The following DNM3 variants were observed in gnomAD, a reference collection of about 807,000 sequenced individuals.
DNM3 encodes the protein dynamin-3.
A neutral mutation model predicts 101.6 loss-of-function variants in DNM3; 47 were observed. The ratio of observed to expected loss-of-function variants is 0.46; its 90% confidence interval spans 0.37 to 0.59. The LOEUF (loss-of-function observed/expected upper bound fraction) is 0.59, where lower values mean the gene tolerates loss of function less well. Ranked by LOEUF, DNM3 falls within the 20% of genes least tolerant of loss-of-function variation. DNM3 has a pLI of 0.00. For missense variants in DNM3, 849 were observed against 1,085.7 expected (o/e 0.78, Z 3.06); for synonymous variants, 385 against 387.9 (o/e 0.99, Z 0.09).
intron 14 of DNM3, among the ~76,000 whole-genome samples, chr1:172,211,108 A>G (rs913264162): frequency 6.6e-6 from 1 of 152,162 alleles, no homozygotes; most frequent in African/African-American, 2.4e-5. Context: ...TGGTGATTTC[A>G]GTATCTCAGG....
intron 1 of DNM3, among the ~76,000 whole-genome samples, chr1:171,920,603 A>G (rs2040080059): frequency 6.6e-6 from 1 of 152,208 alleles, no homozygotes; most frequent in Non-Finnish European, 1.5e-5. Context: ...GAATTCTGTG[A>G]TGATTCCTCT....
intron 15 of DNM3, among the ~76,000 whole-genome samples, chr1:172,290,976 A>C (rs551240602): frequency 2.3e-4 from 32 of 138,046 alleles, no homozygotes; most frequent in African/African-American, 8.8e-4. Context: ...GTTTGAGGAC[A>C]GAGGGGGAGT....
At chr1:171,879,475 CTTAATATTTTAT>C (rs2036071630) in intron 1 of DNM3, among the ~76,000 whole-genome samples, 1 of 152,026 alleles carries the variant, frequency 6.6e-6, no homozygotes, top group African/African-American at 2.4e-5. Context: ...AAGTAGTTGT[CTTAATATTTTAT>C]CACTTAGAAG....
intron 14 of DNM3, among the ~76,000 whole-genome samples, chr1:172,183,796 T>TTTTTA (rs2059429060): frequency 7.5e-6 from 1 of 132,654 alleles, no homozygotes; most frequent in Non-Finnish European, 1.6e-5. Flanking sequence ...TTTTTTTTTT[T>TTTTTA]TGTAGAAACA....
At chr1:172,111,875 A>G (rs1204687872) in intron 13 of DNM3, among the ~76,000 whole-genome samples, 1 of 152,070 alleles carries the variant, frequency 6.6e-6, no homozygotes, top group African/African-American at 2.4e-5. Flanking sequence ...AGGACAAATT[A>G]TAAAACTTCA....
intron 4 of DNM3, among the ~76,000 whole-genome samples, chr1:172,005,942 AAG>A (rs1558408066): frequency 6.6e-6 from 1 of 152,210 alleles, no homozygotes; most frequent in South Asian, 2.1e-4. Flanking sequence ...AACCAGTTAA[AAG>A]AGTTTCCTCC....
At chr1:172,174,949 G>A (rs1450964279) in intron 14 of DNM3, among the ~76,000 whole-genome samples, 1 of 151,636 alleles carries the variant, frequency 6.6e-6, no homozygotes, top group Admixed American at 6.6e-5. Flanking sequence ...CGAATAGTGG[G>A]ATCAGCATCA....
Position 172,192,081 on chromosome 1 carries a change from A to G in DNM3, c.1659+60793A>G, listed in dbSNP as rs138885478. Reference sequence around the variant, plus strand: ...CATCCCTGTCTTGTGCCAGTTTTCAAAAGGAATGCTTCCAGTTTTTGCCCA... The same window carrying G: ...CATCCCTGTCTTGTGCCAGTTTTCAGAAGGAATGCTTCCAGTTTTTGCCCA... On this transcript the variant is annotated intron_variant, in intron 14 of 20. Coordinates refer to ENST00000627582, the MANE Select transcript of DNM3 (RefSeq NM_015569.5). Among the ~76,000 whole-genome samples the G allele has an allele frequency of 5.3e-3, 807 of 152,280 alleles. 9 individuals are homozygous for G. Among genetic ancestry groups the G allele is most frequent in the Non-Finnish European group, 7.9e-3 (540 of 68,016 alleles).
chr1:172,141,761 C>A (rs928369258), intron 14 of DNM3, among the ~76,000 whole-genome samples: 1 of 151,976 alleles, frequency 6.6e-6, no homozygotes, highest in African/African-American at 2.4e-5. Flanking sequence ...GCCCGAATGC[C>A]AAGCAGGAAG....
intron 4 of DNM3, among the ~76,000 whole-genome samples, chr1:172,013,532 C>A (rs775234960): frequency 6.6e-6 from 1 of 151,892 alleles, no homozygotes; most frequent in African/African-American, 2.4e-5. Context: ...TAGGGAAAAT[C>A]GAAATATAAG....
rs114360852 is a variant in DNM3, at chr1:171,856,784, A to T, written c.161+14967A>T. Among the ~76,000 whole-genome samples, 632 of 152,244 alleles carry T rather than the reference A, an allele frequency of 4.2e-3. 3 individuals are homozygous for T. The highest frequency in any genetic ancestry group is 6.4e-3 in the Non-Finnish European group (437 of 68,000). ...TGGATGACACTATGGGGTTTTCTAG[A>T]TATCAAATCATGTCATCTCTGCAAA... On this transcript the variant is annotated intron_variant, in intron 1 of 20. Transcript: ENST00000627582.
chr1:172,278,234 T>A (rs1242338301), intron 15 of DNM3, among the ~76,000 whole-genome samples: 1 of 152,122 alleles, frequency 6.6e-6, no homozygotes, highest in Non-Finnish European at 1.5e-5. Context: ...AAGTCAATAT[T>A]TCAAGTATTT....
At chr1:172,314,988 C>G (rs1303174402) in intron 16 of DNM3, among the ~76,000 whole-genome samples, 2 of 152,194 alleles carry the variant, frequency 1.3e-5, no homozygotes, top group African/African-American at 4.8e-5. Flanking sequence ...GGGAGGCACC[C>G]CCCAGTAGGG....
chr1:172,391,720 T>C (rs2069543995), intron 20 of DNM3, among the ~76,000 whole-genome samples: 1 of 152,222 alleles, frequency 6.6e-6, no homozygotes, highest in Non-Finnish European at 1.5e-5. Flanking sequence ...TTGATTTTTT[T>C]TTTCAAGTTT....
intron 20 of DNM3, 53 bp from the exon 21 acceptor site, chr1:172,407,719 G>A: frequency 6.3e-7 from 1 of 1,575,678 alleles, no homozygotes; most frequent in Admixed American, 1.7e-5. Flanking sequence ...TTGGAACAAT[G>A]TTCTGCTAGA....
Position 171,882,461 on chromosome 1 carries a change from A to ACG in DNM3, c.162-39286_162-39285insGC, listed in dbSNP as rs969530674. On this transcript the variant is annotated intron_variant, in intron 1 of 20. Coordinates refer to ENST00000627582, the MANE Select transcript of DNM3 (RefSeq NM_015569.5). ...CACACACACACACACACACACACACACACGCACCATTTAAGAGTTAATGGT... is the reference window on the plus strand; with the variant it reads ...CACACACACACACACACACACACACACGCACGCACCATTTAAGAGTTAATGGT... Among the ~76,000 whole-genome samples the ACG allele has an allele frequency of 4.6e-3, 677 of 145,868 alleles. 5 individuals carry two copies. The highest frequency in any genetic ancestry group is 0.016 in the African/African-American group (631 of 39,612).
In DNM3 at chr1:172,388,650, G is replaced by A; in HGVS notation, c.2363G>A (p.Gly788Glu). Residue 788 changes from glycine to glutamate, a missense_variant, in exon 20 of 21, where the codon GGA becomes GAA. Gly to Glu is a moderately conservative substitution (Grantham distance 98). Around this residue, in one of 5 missense-constraint regions of DNM3, gnomAD observed 256 missense variants for 311.7 expected, o/e 0.82. Coordinates refer to ENST00000627582, the MANE Select transcript of DNM3 (RefSeq NM_015569.5). ...CTCGCAAGGCCCACATCCGGCCGAG[G>A]ACCAGCTCCTGCCATTCCCTCTCCT... ...APLARPTSGR[G>E]PAPAIPSPGP... is the part of the protein sequence containing the mutation. 1 of 1,613,966 alleles carries A rather than the reference G, an allele frequency of 6.2e-7. No individual in the cohort carries two copies. Among genetic ancestry groups the A allele is most frequent in the Non-Finnish European group, 8.5e-7 (1 of 1,179,880 alleles).
At chr1:171,966,583 T>C (rs1001341585) in intron 2 of DNM3, among the ~76,000 whole-genome samples, 15 of 152,196 alleles carry the variant, frequency 9.9e-5, no homozygotes, top group African/African-American at 3.4e-4. Flanking sequence ...ATTCTCCCTT[T>C]GAAGTGGGAA....
intron 14 of DNM3, among the ~76,000 whole-genome samples, chr1:172,174,111 A>C (rs549326624): frequency 6.6e-6 from 1 of 151,702 alleles, no homozygotes; most frequent in Non-Finnish European, 1.5e-5. Flanking sequence ...GATTTCATTG[A>C]CTAGAAATAT....
Sources: allele counts gnomAD v4.1 joint callset (sites outside exome capture counted in the v4.1 genomes callset), GRCh38; gene constraint gnomAD v4.1.1; regional missense constraint gnomAD v4.1.1; transcripts MANE v1.5; gene names NCBI Gene and HGNC (gene_info 2026-07-23, HGNC 2026-07-21).